The following FUT8 variants were observed in gnomAD, a reference collection of about 807,000 sequenced individuals.
The protein encoded by FUT8 is alpha-(1,6)-fucosyltransferase.
Under a neutral mutation model 71.3 loss-of-function variants are expected in FUT8, and 29 were observed. The observed-to-expected ratio is 0.41, with a 90% CI of 0.30 to 0.55. The LOEUF is 0.55. Ranked by LOEUF, FUT8 falls within the 20% of genes least tolerant of loss-of-function variation. The probability of loss-of-function intolerance (pLI) is 0.34; values close to 1 mark genes in which losing one functional copy is unlikely to be tolerated. For synonymous variants in FUT8, 254 were observed against 239.3 expected (o/e 1.06, Z -0.57); for missense variants, 544 against 702.1 (o/e 0.77, Z 2.55).
chr14:65,402,655 G>C, the FUT8 span, among the ~76,000 whole-genome samples: 4 of 122,722 alleles, frequency 3.3e-5, no homozygotes, highest in Non-Finnish European at 5.1e-5. Flanking sequence ...GACAGAGTGA[G>C]ACTCCGTCTA....
chr14:65,499,352 A>G (rs976669436), intron 2 of FUT8, among the ~76,000 whole-genome samples: 3 of 152,094 alleles, frequency 2.0e-5, no homozygotes, highest in African/African-American at 7.2e-5. Context: ...AACTAGAATT[A>G]TTTTGTGGTT....
chr14:65,503,174 A>G (rs2066674247), intron 2 of FUT8, among the ~76,000 whole-genome samples: 2 of 152,230 alleles, frequency 1.3e-5, no homozygotes, highest in Non-Finnish European at 2.9e-5. Flanking sequence ...TCCATAATAT[A>G]ATGCTGCCCT....
chr14:65,703,267 TCTC>T (rs1894400037), intron 7 of FUT8, among the ~76,000 whole-genome samples: 1 of 152,308 alleles, frequency 6.6e-6, no homozygotes, highest in African/African-American at 2.4e-5. Context: ...ATATCAGACA[TCTC>T]CTCCTTGCCC....
intron 6 of FUT8, among the ~76,000 whole-genome samples, chr14:65,656,878 G>A (rs772589233): frequency 3.3e-5 from 5 of 152,104 alleles, no homozygotes; most frequent in Admixed American, 6.5e-5. Flanking sequence ...CATTTTCAAC[G>A]AAAGTCACAA....
At chr14:65,621,508 T>C (rs751654799) in intron 5 of FUT8, among the ~76,000 whole-genome samples, 2 of 151,822 alleles carry the variant, frequency 1.3e-5, no homozygotes, top group Non-Finnish European at 2.9e-5. Flanking sequence ...TTGGCCCGTT[T>C]GTGCTAGGAT....
intron 2 of FUT8, among the ~76,000 whole-genome samples, chr14:65,501,091 C>T (rs535704604): frequency 6.6e-6 from 1 of 152,268 alleles, no homozygotes; most frequent in East Asian, 1.9e-4. Flanking sequence ...TTCCATCTAG[C>T]CATGATGGCT....
rs566145096 is a variant in FUT8 at position 65,468,374 on chromosome 14, C to T, written c.-228+12656C>T. ...GCGAATTACTGGAAGATGGTGGTTC[C>T]GGCCGAAAGGTTGGATTTTTTTTTT... On this transcript the variant is annotated intron_variant, in intron 2 of 10. Transcript: ENST00000673929. The T allele has an allele frequency of 8.9e-4, 446 of 501,082 alleles. 2 individuals carry two copies. Among genetic ancestry groups the T allele is most frequent in the African/African-American group, 8.4e-3 (405 of 48,298 alleles). The allele number at this position is 501,082 out of a possible 1,614,324, so 31.0% of individuals were successfully genotyped here.
Position 65,733,162 on chromosome 14 carries a change from G to A in FUT8, c.1260-69G>A, listed in dbSNP as rs1224606715. ...TTCTGTGAGAAGCTCTTAGTCAAAGGAGAAAGTCTGCCTTCTGATAGGATA... is the reference window on the plus strand; with the variant it reads ...TTCTGTGAGAAGCTCTTAGTCAAAGAAGAAAGTCTGCCTTCTGATAGGATA... On this transcript the variant is annotated intron_variant, in intron 9 of 10. Coordinates refer to ENST00000673929, the MANE Select transcript of FUT8 (RefSeq NM_001371533.1). 6 of 938,668 alleles carry A rather than the reference G, an allele frequency of 6.4e-6. No homozygotes were observed. The African/African-American group carries it at 6.8e-5, about 11-fold the overall frequency. 58.1% of individuals were successfully genotyped at this position (938,668 alleles called of 1,614,324 possible).
At chr14:65,358,923 G>A in the FUT8 span, among the ~76,000 whole-genome samples, 1 of 152,062 alleles carries the variant, frequency 6.6e-6, no homozygotes, top group Non-Finnish European at 1.5e-5. Flanking sequence ...AACAGCATAT[G>A]GTTACCCCAA....
chr14:65,373,430 GA>G, the FUT8 span, among the ~76,000 whole-genome samples: 1 of 151,774 alleles, frequency 6.6e-6, no homozygotes, highest in Non-Finnish European at 1.5e-5. Context: ...GGAAGCGTCT[GA>G]ATGTTGAGAG....
intron 3 of FUT8, among the ~76,000 whole-genome samples, chr14:65,587,290 GAAAT>G (rs1446118721): frequency 6.6e-6 from 1 of 152,080 alleles, no homozygotes; most frequent in East Asian, 1.9e-4. Context: ...ATGTATTCAG[GAAAT>G]AGTTATGATC....
chr14:65,498,572 C>T (rs550766174), intron 2 of FUT8, among the ~76,000 whole-genome samples: 1 of 152,230 alleles, frequency 6.6e-6, no homozygotes, highest in Non-Finnish European at 1.5e-5. Context: ...GCTTTAAATA[C>T]TCATAGAATA....
Position 65,467,949 on chromosome 14 carries a change from C to G in FUT8, c.-228+12231C>G, listed in dbSNP as rs901815451. 4.1e-6 allele frequency: 3 copies of G among 730,296 alleles called. No homozygotes were observed. The highest frequency in any genetic ancestry group is 7.7e-6 in the Non-Finnish European group (3 of 389,662). 45.2% of individuals were successfully genotyped at this position (730,296 alleles called of 1,614,324 possible). ...TTTCTCTTTGGCTTCTTTCTTTTTC[C>G]GATCATTTTCCTTTACGTGTTTCAG... On this transcript the variant is annotated intron_variant, in intron 2 of 10. Coordinates refer to ENST00000673929, the MANE Select transcript of FUT8 (RefSeq NM_001371533.1). This position sits in a 1 kb window ranked among gnomAD's most constrained non-coding sequence, Gnocchi z 4.1.
chr14:65,423,811 C>T (rs1566738099), intron 1 of FUT8, among the ~76,000 whole-genome samples: 1 of 152,184 alleles, frequency 6.6e-6, no homozygotes, highest in Non-Finnish European at 1.5e-5. Flanking sequence ...TTATAGCAAT[C>T]CTGTACCCCT....
At chr14:65,532,580 T>C (rs1054544563) in intron 2 of FUT8, among the ~76,000 whole-genome samples, 6 of 152,228 alleles carry the variant, frequency 3.9e-5, no homozygotes, top group African/African-American at 1.2e-4. Context: ...TTTCTGTCAT[T>C]CTGTAGGTTG....
At chr14:65,446,167 C>T (rs1421198770) in intron 1 of FUT8, among the ~76,000 whole-genome samples, 1 of 152,218 alleles carries the variant, frequency 6.6e-6, no homozygotes, top group African/African-American at 2.4e-5. Context: ...TCCCCCATCT[C>T]ATCTGTCTCT....
intron 3 of FUT8, among the ~76,000 whole-genome samples, chr14:65,571,513 C>A (rs1388641322): frequency 2.6e-5 from 4 of 152,220 alleles, no homozygotes; most frequent in Non-Finnish European, 5.9e-5. Context: ...CTGCAAGAAT[C>A]TCACGTGGTA....
chr14:65,422,968 TTTTC>T (rs1197003888), intron 1 of FUT8, among the ~76,000 whole-genome samples: 10 of 150,430 alleles, frequency 6.6e-5, no homozygotes, highest in Non-Finnish European at 8.9e-5. Flanking sequence ...TCCTCAGTGA[TTTTC>T]TTTCTTTCTT....
At chr14:65,366,792 T>C in the FUT8 span, among the ~76,000 whole-genome samples, 4 of 152,178 alleles carry the variant, frequency 2.6e-5, no homozygotes, top group Admixed American at 6.5e-5. Flanking sequence ...CAGTTTTTCA[T>C]TGTACAGTCA....
Sources: gnomAD v4.1 joint callset for allele counts (sites outside exome capture counted in the v4.1 genomes callset) on GRCh38, gnomAD v4.1.1 for gene constraint, Gnocchi (gnomAD v3.1) non-coding constraint, MANE v1.5 for transcripts, NCBI Gene and HGNC (gene_info 2026-07-23, HGNC 2026-07-21) for gene names.